NCAPG2: variants seen among roughly 807,000 people sequenced by gnomAD.
The protein encoded by NCAPG2 is condensin-2 complex subunit G2.
In NCAPG2, 53 loss-of-function variants were observed where a neutral mutation model predicts 141.1. The observed-to-expected ratio is 0.38, with a 90% CI of 0.30 to 0.47. NCAPG2 has a LOEUF of 0.47. NCAPG2 is among the 20% of genes least tolerant of loss of function. The probability of loss-of-function intolerance (pLI) is 0.99; values close to 1 mark genes in which losing one functional copy is unlikely to be tolerated. For missense variants in NCAPG2, 1,087 were observed against 1,389.0 expected (o/e 0.78, Z 3.46); for synonymous variants, 499 against 490.7 (o/e 1.02, Z -0.22).
chr7:158,682,901 T>C (rs1255139613), intron 9 of NCAPG2, among the ~76,000 whole-genome samples: 8 of 152,044 alleles, frequency 5.3e-5, no homozygotes, highest in Non-Finnish European at 7.4e-5. Flanking sequence ...GAACAAAATA[T>C]CAAAAGAAAC....
intron 17 of NCAPG2, 111 bp from the exon 18 acceptor site, chr7:158,656,816 G>T: frequency 7.9e-7 from 1 of 1,258,004 alleles, no homozygotes. Flanking sequence ...ATAAGCCCTT[G>T]TTATTATATT....
At chr7:158,695,059 G>A (rs1205908589) in intron 2 of NCAPG2, among the ~76,000 whole-genome samples, 1 of 152,058 alleles carries the variant, frequency 6.6e-6, no homozygotes, top group Non-Finnish European at 1.5e-5. Flanking sequence ...TAAGTTAATG[G>A]CCCGCTTAAG....
chr7:158,679,043 A>G (rs1193986235), intron 11 of NCAPG2, among the ~76,000 whole-genome samples: 2 of 152,002 alleles, frequency 1.3e-5, no homozygotes, highest in African/African-American at 2.4e-5. Context: ...TTTTGTAGAG[A>G]CGAGGTCTCA....
At chr7:158,674,255 A>T (rs1342343942) in intron 12 of NCAPG2, among the ~76,000 whole-genome samples, 4 of 151,094 alleles carry the variant, frequency 2.6e-5, no homozygotes, top group African/African-American at 7.3e-5. Flanking sequence ...CACTGCTGAG[A>T]GGGAGAGGTT....
chr7:158,693,616 G>T, intron 2 of NCAPG2, 119 bp from the exon 3 acceptor site: 1 of 919,834 alleles, frequency 1.1e-6, no homozygotes, highest in Non-Finnish European at 1.6e-6. Context: ...GAGTTTGGTT[G>T]CAGTATTCAA....
At chr7:158,679,535 T>G (rs554990170) in intron 11 of NCAPG2, among the ~76,000 whole-genome samples, 11 of 152,218 alleles carry the variant, frequency 7.2e-5, no homozygotes, top group African/African-American at 2.4e-4. Context: ...GCAATCACAC[T>G]TACAGAGAAA....
At chr7:158,637,000 T>G (rs981404550) in intron 27 of NCAPG2, among the ~76,000 whole-genome samples, 3 of 151,592 alleles carry the variant, frequency 2.0e-5, no homozygotes, top group African/African-American at 4.9e-5. Flanking sequence ...CAGGCTGGAA[T>G]GCAGTGGTGT....
At chr7:158,699,018 A>T (rs1835628296) in intron 2 of NCAPG2, among the ~76,000 whole-genome samples, 1 of 152,112 alleles carries the variant, frequency 6.6e-6, no homozygotes, top group Admixed American at 6.6e-5. Flanking sequence ...TCCTGGCCTC[A>T]AACGATCCTC....
rs559564194 is a variant in NCAPG2, at chr7:158,704,391, C to T, written c.-40+333G>A. Among the ~76,000 whole-genome samples the T allele has an allele frequency of 7.2e-5, 11 of 151,954 alleles. 2 individuals are homozygous for T. The South Asian group carries it at 1.9e-3, about 26-fold the overall frequency. ...TCGCTCTCTGAGGGCAGTGCCCATG[C>T]CCAGGACTGAGGGGACACTCTCTGA... On this transcript the variant is annotated intron_variant, in intron 1 of 27. Transcript: ENST00000356309.
chr7:158,704,016 A>G (rs1307124068), intron 1 of NCAPG2, among the ~76,000 whole-genome samples: 1 of 151,418 alleles, frequency 6.6e-6, no homozygotes, highest in African/African-American at 2.4e-5. Flanking sequence ...CTCTGAGGGC[A>G]GTGCCCATGC....
At chr7:158,637,462 G>GCAGACTCTGACAGCACAAGCAGCACAC (rs1830306142) in intron 27 of NCAPG2, among the ~76,000 whole-genome samples, 1 of 2,818 alleles carries the variant, frequency 3.5e-4, no homozygotes, top group South Asian at 0.019. Context: ...CCTTTCTCCA[G>GCAGACTCTGACAGCACAAGCAGCACAC]CAGACTCTGA....
At chr7:158,637,189 C>T (rs1013381176) in intron 27 of NCAPG2, among the ~76,000 whole-genome samples, 3 of 152,084 alleles carry the variant, frequency 2.0e-5, no homozygotes, top group African/African-American at 7.2e-5. Flanking sequence ...CCTCGTGATC[C>T]ACCTGCCTTG....
chr7:158,692,559 T>C (rs1483779576), intron 4 of NCAPG2, among the ~76,000 whole-genome samples: 1 of 152,146 alleles, frequency 6.6e-6, no homozygotes, highest in Admixed American at 6.5e-5. Flanking sequence ...CTGACCAACA[T>C]GGAGAAACCC....
chr7:158,695,327 A>G (rs12333411), intron 2 of NCAPG2, among the ~76,000 whole-genome samples: 2,183 of 152,334 alleles, frequency 0.014, 55 homozygotes, highest in African/African-American at 0.05. Flanking sequence ...GTCTAGGGGC[A>G]AGAATAACAA....
rs1216022251 is a variant in NCAPG2 at position 158,645,499 on chromosome 7, CAG to C, written c.3280+18_3280+19del. ...GGTGCACCAGCCACCTTCCAGATGA[CAG>C]AGGGGAATGTAACCAACCTGCATTA... On this transcript the variant is annotated intron_variant, in intron 26 of 27. Transcript: ENST00000356309. 6.2e-7 allele frequency: 1 copy of C among 1,606,594 alleles called. No individual in the cohort carries two copies. The highest frequency in any genetic ancestry group is 1.3e-5 in the African/African-American group (1 of 74,872).
chr7:158,641,165 G>A (rs1587063289), intron 27 of NCAPG2: 9 of 229,834 alleles, frequency 3.9e-5, no homozygotes, highest in African/African-American at 1.4e-4. Flanking sequence ...GAAAGAAAAC[G>A]GCATCATAAA....
At chr7:158,689,444 A>C (rs992250511) in intron 6 of NCAPG2, among the ~76,000 whole-genome samples, 1 of 152,204 alleles carries the variant, frequency 6.6e-6, no homozygotes, top group Non-Finnish European at 1.5e-5. Flanking sequence ...GGGTAGAAAA[A>C]AGAAAGGGAG....
rs767752553 is a variant in NCAPG2 at position 158,690,688 on chromosome 7, T to C, written c.417A>G (p.Lys139=). Residue 139 remains lysine (K), a synonymous_variant, in exon 5 of 28, where the codon AAA becomes AAG. Transcript: ENST00000356309. ...ILYALPESER[K]LQSSIQDLCV... ...ACAAATCCTGAATAGAACTCTGTAG[T>C]TTTCGTTCAGACTCAGGTAATGCAT... The C allele has an allele frequency of 4.3e-6, 7 of 1,614,078 alleles. No homozygotes were observed. In the South Asian group the frequency reaches 6.6e-5, roughly 15 times the overall value.
At chr7:158,663,311 T>G (rs1832672724) in intron 15 of NCAPG2, among the ~76,000 whole-genome samples, 1 of 152,252 alleles carries the variant, frequency 6.6e-6, no homozygotes, top group South Asian at 2.1e-4. Context: ...GGAGGTGGCC[T>G]GCCCAACGGC....
Sources: allele counts gnomAD v4.1 joint callset (sites outside exome capture counted in the v4.1 genomes callset), GRCh38; gene constraint gnomAD v4.1.1; transcripts MANE v1.5; gene names NCBI Gene and HGNC (gene_info 2026-07-23, HGNC 2026-07-21).